Variants in LRCH3 observed in about 807,000 individuals in gnomAD.
The protein encoded by LRCH3 is DISP complex protein LRCH3.
A neutral mutation model predicts 104.5 loss-of-function variants in LRCH3; 68 were observed. The ratio of observed to expected loss-of-function variants is 0.65; its 90% CI spans 0.54 to 0.80. The LOEUF (loss-of-function observed/expected upper bound fraction) is 0.80. LRCH3 is among the 30% of genes least tolerant of loss of function. The pLI is 0.00. For missense variants in LRCH3, 951 were observed against 953.9 expected, an observed-to-expected ratio of 1.00 and a Z score of 0.04; for synonymous variants, 344 against 361.3, an observed-to-expected ratio of 0.95 and a Z score of 0.54.
In LRCH3 at chr3:197,837,334, C is replaced by T. The variant is rs1055478662; in HGVS notation, c.1251+1512C>T. On this transcript the variant is annotated intron_variant, in intron 9 of 20. Coordinates refer to ENST00000425562, the MANE Select transcript of LRCH3 (RefSeq NM_001365715.1). The stretch of plus-strand genomic sequence containing the variant: ...ACTAAAAGTGAAAATGCCTATTATA[C>T]TACTATAAAAAAATAGTATTTCTTT... Among the ~76,000 whole-genome samples the T allele has an allele frequency of 3.9e-5, 6 of 152,038 alleles. 1 individual carries two copies. The highest frequency in any genetic ancestry group is 1.4e-4 in the African/African-American group (6 of 41,392).
In LRCH3 at chr3:197,853,163, C is replaced by T. The variant is rs58610305; in HGVS notation, c.1590+543C>T. On this transcript the variant is annotated intron_variant, in intron 13 of 20. Coordinates refer to ENST00000425562, the MANE Select transcript of LRCH3 (RefSeq NM_001365715.1). Reference sequence around the variant, plus strand: ...TTGGCTTTCTCATTAACCATTTTCCCTTTAAAAACCTACCAGTTTTTTCTT... The same window carrying T: ...TTGGCTTTCTCATTAACCATTTTCCTTTTAAAAACCTACCAGTTTTTTCTT... Among the ~76,000 whole-genome samples, 3 of 152,166 alleles carry T rather than the reference C, an allele frequency of 2.0e-5. No homozygotes were observed. The East Asian group carries it at 5.8e-4, about 29-fold the overall frequency.
intron 20 of LRCH3, chr3:197,881,932 C>G: frequency 4.1e-6 from 4 of 985,424 alleles, no homozygotes; most frequent in South Asian, 4.7e-5. Context: ...AAAGACTGTT[C>G]ACTATTAATG....
intron 1 of LRCH3, among the ~76,000 whole-genome samples, chr3:197,792,604 T>TATATATATATATATATATATATAAAA (rs1553912025): frequency 1.7e-5 from 1 of 58,524 alleles, no homozygotes; most frequent in Non-Finnish European, 3.6e-5. Context: ...TATATATATA[T>TATATATATATATATATATATATAAAA]AAAATATACA....
intron 17 of LRCH3, among the ~76,000 whole-genome samples, chr3:197,869,202 C>T (rs1215659120): frequency 6.6e-6 from 1 of 151,356 alleles, no homozygotes; most frequent in Non-Finnish European, 1.5e-5. Context: ...ATGCACTGTA[C>T]CTGCAGGAAG....
Position 197,820,369 on chromosome 3 carries a change from T to TA in LRCH3, c.581dup (p.Asn194LysfsTer9). On this transcript the variant is annotated frameshift_variant, in exon 4 of 21. Coordinates refer to ENST00000425562, the MANE Select transcript of LRCH3 (RefSeq NM_001365715.1). LOFTEE classifies it high-confidence loss of function. ...TTCAAACTATACCTTCCCAAATTGG[T>TA]AACCTGGAGGCCTTGAGAGACCTTA... The TA allele has an allele frequency of 6.2e-7, 1 of 1,613,394 alleles. No homozygotes were observed. The highest frequency in any genetic ancestry group is 8.5e-7 in the Non-Finnish European group (1 of 1,179,356).
intron 1 of LRCH3, among the ~76,000 whole-genome samples, chr3:197,806,005 C>T (rs138953400): frequency 9.1e-4 from 138 of 152,070 alleles, no homozygotes; most frequent in African/African-American, 2.9e-3. Context: ...TGGCTCACTG[C>T]GACGTCTGCC....
rs115471245 is a variant in LRCH3 at position 197,883,179 on chromosome 3, A to G, written c.2209-362A>G. On this transcript the variant is annotated intron_variant, in intron 20 of 20. Transcript: ENST00000425562. This position sits in a 1 kb window ranked among gnomAD's most constrained non-coding sequence, Gnocchi z 4.2. ...TCTGGTAGCGTGGAATTGTTTTTCT[A>G]TTTTTCACCTGCCTATTTTATAGAC... 1.9e-3 allele frequency: 1,840 copies of G among 992,950 alleles called. 8 individuals are homozygous for G. In the African/African-American group the frequency reaches 0.019, roughly 10 times the overall value. 61.5% of individuals were successfully genotyped at this position (992,950 alleles called of 1,614,324 possible). A position where few individuals can be genotyped will look rare whatever the true frequency, so the allele number is the denominator to read the frequency against.
At chr3:197,874,950 T>A (rs1712695017) in intron 19 of LRCH3, among the ~76,000 whole-genome samples, 1 of 151,566 alleles carries the variant, frequency 6.6e-6, no homozygotes, top group South Asian at 2.1e-4. Flanking sequence ...GAAATGGAGC[T>A]TTGTTCTTGT....
intron 3 of LRCH3, among the ~76,000 whole-genome samples, chr3:197,819,979 G>C (rs1409787946): frequency 1.3e-5 from 2 of 152,112 alleles, no homozygotes; most frequent in African/African-American, 4.8e-5. Context: ...CAGAGTGCTG[G>C]GATTACAGGC....
In LRCH3 at chr3:197,829,546, C is replaced by A. The variant is rs1735653040; in HGVS notation, c.778-18C>A. The stretch of plus-strand genomic sequence containing the variant: ...CAGATGAGTAATAATTTGGCTACAT[C>A]TGTGTGACTTTATTTAGATATGTAT... On this transcript the variant is annotated intron_variant, in intron 5 of 20. Transcript: ENST00000425562. 6.5e-7 allele frequency: 1 copy of A among 1,545,864 alleles called. No homozygotes were observed. The highest frequency in any genetic ancestry group is 1.2e-5 in the South Asian group (1 of 86,002).
At chr3:197,800,641 G>A (rs1200852606) in intron 1 of LRCH3, among the ~76,000 whole-genome samples, 1 of 152,184 alleles carries the variant, frequency 6.6e-6, no homozygotes, top group African/African-American at 2.4e-5. Context: ...CATATTCTGT[G>A]ACTCAGAAAT....
chr3:197,816,644 C>A (rs1439775471), intron 2 of LRCH3, among the ~76,000 whole-genome samples: 1 of 152,096 alleles, frequency 6.6e-6, no homozygotes, highest in Non-Finnish European at 1.5e-5. Context: ...AATAAAAATT[C>A]TTTACCTGTA....
intron 15 of LRCH3, among the ~76,000 whole-genome samples, 153 bp from the exon 16 acceptor site, chr3:197,865,270 G>A (rs1403006818): frequency 6.6e-6 from 1 of 152,190 alleles, no homozygotes; most frequent in African/African-American, 2.4e-5. Flanking sequence ...TTACAGGCAT[G>A]AGCCACTGCA....
At chr3:197,811,904 TA>T (rs1163088387) in intron 1 of LRCH3, among the ~76,000 whole-genome samples, 2 of 152,206 alleles carry the variant, frequency 1.3e-5, no homozygotes, top group African/African-American at 4.8e-5. Flanking sequence ...TGCTGAGACA[TA>T]AGATATGGTT....
At chr3:197,795,838 G>A (rs1267308441) in intron 1 of LRCH3, among the ~76,000 whole-genome samples, 1 of 151,488 alleles carries the variant, frequency 6.6e-6, no homozygotes, top group Non-Finnish European at 1.5e-5. Context: ...GACTACAGGC[G>A]CCCACCACCA....
chr3:197,815,366 A>G (rs1733686091), intron 2 of LRCH3, among the ~76,000 whole-genome samples: 1 of 152,186 alleles, frequency 6.6e-6, no homozygotes, highest in African/African-American at 2.4e-5. Flanking sequence ...AATGTGCTCA[A>G]AACACTTATC....
At chr3:197,860,626 G>A (rs1305226140) in intron 15 of LRCH3, among the ~76,000 whole-genome samples, 1 of 151,090 alleles carries the variant, frequency 6.6e-6, no homozygotes. Flanking sequence ...TAATTTTTGT[G>A]GGTACATAGT....
At chr3:197,831,367 A>C (rs1735912341) in intron 7 of LRCH3, 1 of 152,322 alleles carries the variant, frequency 6.6e-6, no homozygotes, top group African/African-American at 2.4e-5. Flanking sequence ...ACAGAAGAAA[A>C]AAAGTAAAAA....
intron 15 of LRCH3, among the ~76,000 whole-genome samples, chr3:197,863,399 C>T (rs1305254691): frequency 3.9e-5 from 6 of 152,040 alleles, no homozygotes; most frequent in East Asian, 3.8e-4. Context: ...GTAGCTGGGA[C>T]TACAGGCGCC....
Sources: gnomAD v4.1 joint callset for allele counts (sites outside exome capture counted in the v4.1 genomes callset) on GRCh38, gnomAD v4.1.1 for gene constraint, Gnocchi (gnomAD v3.1) non-coding constraint, MANE v1.5 for transcripts, NCBI Gene and HGNC (gene_info 2026-07-23, HGNC 2026-07-21) for gene names.